CDH13: variants seen among roughly 807,000 people sequenced by gnomAD.
The protein encoded by CDH13 is cadherin-13.
Under a neutral mutation model 63.8 loss-of-function variants are expected in CDH13, and 24 were observed. That is an observed-to-expected ratio of 0.38 (90% CI 0.27 to 0.53). The LOEUF is 0.53. CDH13 is among the 20% of genes least tolerant of loss of function. The pLI is 0.85. For synonymous variants in CDH13, 503 were observed against 355.3 expected (o/e 1.42, Z -4.67); for missense variants, 1,049 against 903.1 (o/e 1.16, Z -2.07).
rs544241923 is a variant in CDH13 at position 82,932,482 on chromosome 16, C to T, written c.157+74009C>T. 2.6e-5 allele frequency among the ~76,000 whole-genome samples: 4 copies of T among 152,228 alleles called. No homozygotes were observed. In the South Asian group the frequency reaches 6.2e-4, roughly 24 times the overall value. ...TCTTAACATTTTCCACAAACTTTTC[C>T]ATTAAAATAGAGGATAGGTCATTGC... On this transcript the variant is annotated intron_variant, in intron 2 of 13. Transcript: ENST00000567109.
intron 1 of CDH13, among the ~76,000 whole-genome samples, chr16:82,729,519 A>G (rs1279248452): frequency 2.0e-5 from 3 of 152,134 alleles, no homozygotes; most frequent in African/African-American, 7.2e-5. Context: ...AGTAGGTCTC[A>G]ACAATGGGAT....
At chr16:83,333,323 A>C (rs116044738) in intron 5 of CDH13, among the ~76,000 whole-genome samples, 2,536 of 152,292 alleles carry the variant, frequency 0.017, 67 homozygotes, top group African/African-American at 0.054. Context: ...TAGGAATTGA[A>C]TCTAGTATAC....
At chr16:83,059,515 G>T (rs2151519439) in intron 3 of CDH13, among the ~76,000 whole-genome samples, 1 of 152,266 alleles carries the variant, frequency 6.6e-6, no homozygotes, top group Non-Finnish European at 1.5e-5. Context: ...GCGCTCGGGT[G>T]TCTGCCATGG....
At chr16:82,638,435 G>A (rs1165475473) in intron 1 of CDH13, among the ~76,000 whole-genome samples, 3 of 152,130 alleles carry the variant, frequency 2.0e-5, no homozygotes, top group Non-Finnish European at 4.4e-5. Context: ...AACTGAAAAG[G>A]AATATCTATG....
intron 1 of CDH13, among the ~76,000 whole-genome samples, chr16:82,728,319 A>G (rs2033210274): frequency 1.3e-5 from 2 of 152,062 alleles, no homozygotes; most frequent in Non-Finnish European, 2.9e-5. Flanking sequence ...GTTTACCCTT[A>G]TGGGCTTGTT....
chr16:82,813,592 T>A lies in CDH13; in HGVS notation c.46-44770T>A, dbSNP rs187438559. Among the ~76,000 whole-genome samples the A allele has an allele frequency of 4.3e-3, 655 of 152,278 alleles. 4 individuals carry two copies. Among genetic ancestry groups the A allele is most frequent in the Non-Finnish European group, 7.1e-3 (484 of 68,002 alleles). On this transcript the variant is annotated intron_variant, in intron 1 of 13. Coordinates refer to ENST00000567109, the MANE Select transcript of CDH13 (RefSeq NM_001257.5). ...AAAAAGGTAGTGTCTTCCCGGAGGC[T>A]GCTTGTGGCCACTCGCTGTGTGTCT...
At position 83,116,785 on chromosome 16, in the gene CDH13, A is replaced by T. The variant is rs146582152; in HGVS notation, c.367-8600A>T. Among the ~76,000 whole-genome samples, 76 of 152,308 alleles carry T rather than the reference A, an allele frequency of 5.0e-4. 1 individual carries two copies. In the East Asian group the frequency reaches 0.013, roughly 26 times the overall value. On this transcript the variant is annotated intron_variant, in intron 3 of 13. Coordinates refer to ENST00000567109, the MANE Select transcript of CDH13 (RefSeq NM_001257.5). The stretch of plus-strand genomic sequence containing the variant: ...TTTCATGGTACGTAAATTATACCTC[A>T]ATAATACTTTTAAAATACTGCAGGC...
At chr16:83,550,848 T>C (rs1279021902) in intron 7 of CDH13, among the ~76,000 whole-genome samples, 4 of 152,118 alleles carry the variant, frequency 2.6e-5, no homozygotes. Flanking sequence ...TCACTGACAG[T>C]AAGCCTAACC....
intron 6 of CDH13, among the ~76,000 whole-genome samples, chr16:83,370,180 G>A (rs550620784): frequency 6.6e-6 from 1 of 152,188 alleles, no homozygotes; most frequent in Non-Finnish European, 1.5e-5. Flanking sequence ...GAAGTCAGGA[G>A]ATTGAGACCA....
At chr16:82,759,253 C>G in intron 1 of CDH13, among the ~76,000 whole-genome samples, 1 of 152,176 alleles carries the variant, frequency 6.6e-6, no homozygotes, top group African/African-American at 2.4e-5. Context: ...TATCTCCCTT[C>G]TCTGCCTCAT....
intron 2 of CDH13, among the ~76,000 whole-genome samples, chr16:82,960,625 C>G (rs1906825213): frequency 6.6e-6 from 1 of 152,092 alleles, no homozygotes; most frequent in Non-Finnish European, 1.5e-5. Flanking sequence ...AAAATAGCAC[C>G]TTCAGTTTCC....
At chr16:83,648,382 G>C (rs1243871017) in intron 8 of CDH13, among the ~76,000 whole-genome samples, 1 of 152,154 alleles carries the variant, frequency 6.6e-6, no homozygotes, top group Non-Finnish European at 1.5e-5. Flanking sequence ...AGTGATTTTA[G>C]AAACTGTAGC....
chr16:83,786,455 G>T (rs928559987), intron 13 of CDH13, among the ~76,000 whole-genome samples: 1 of 152,150 alleles, frequency 6.6e-6, no homozygotes, highest in African/African-American at 2.4e-5. Flanking sequence ...TAGGGCGTTG[G>T]GGAATGGTAA....
intron 8 of CDH13, among the ~76,000 whole-genome samples, chr16:83,637,428 G>C (rs1911366023): frequency 1.4e-5 from 1 of 69,490 alleles, no homozygotes; most frequent in Non-Finnish European, 2.8e-5. Flanking sequence ...TGCGCACCGT[G>C]CGCGAGCCGA....
At chr16:83,227,317 G>C (rs879322373) in intron 5 of CDH13, among the ~76,000 whole-genome samples, 3 of 152,162 alleles carry the variant, frequency 2.0e-5, no homozygotes, top group African/African-American at 7.2e-5. Flanking sequence ...CTCCCGCAGT[G>C]GTCCTGATAA....
rs943516932 is a variant in CDH13, at chr16:83,509,318, G to A, written c.960+22663G>A. Among the ~76,000 whole-genome samples, 2 of 152,202 alleles carry A rather than the reference G, an allele frequency of 1.3e-5. 1 individual carries two copies. Among genetic ancestry groups the A allele is most frequent in the South Asian group, 4.1e-4 (2 of 4,826 alleles). On this transcript the variant is annotated intron_variant, in intron 7 of 13. Coordinates refer to ENST00000567109, the MANE Select transcript of CDH13 (RefSeq NM_001257.5). ...TCAAGGGGATCAGGAAGATGCCCAGGTATGGGATAACTTGAGCAAAAGATT... is the reference window on the plus strand; with the variant it reads ...TCAAGGGGATCAGGAAGATGCCCAGATATGGGATAACTTGAGCAAAAGATT...
At chr16:83,556,958 C>T (rs1283169033) in intron 7 of CDH13, among the ~76,000 whole-genome samples, 3 of 152,186 alleles carry the variant, frequency 2.0e-5, no homozygotes, top group Non-Finnish European at 4.4e-5. Flanking sequence ...CGATTTTCTA[C>T]ATAAGGGGTC....
intron 10 of CDH13, among the ~76,000 whole-genome samples, chr16:83,737,001 G>A (rs995376316): frequency 2.2e-4 from 33 of 152,146 alleles, no homozygotes; most frequent in Admixed American, 4.6e-4. Flanking sequence ...GGGAAGGCTC[G>A]GTGCACGTGG....
intron 1 of CDH13, among the ~76,000 whole-genome samples, chr16:82,689,642 C>A (rs180924148): frequency 5.9e-5 from 9 of 152,120 alleles, no homozygotes; most frequent in Admixed American, 5.9e-4. Context: ...TAATGTTTAA[C>A]ATAAATCAGG....
Sources: gnomAD v4.1 joint callset for allele counts (sites outside exome capture counted in the v4.1 genomes callset) on GRCh38, gnomAD v4.1.1 for gene constraint, MANE v1.5 for transcripts, NCBI Gene and HGNC (gene_info 2026-07-23, HGNC 2026-07-21) for gene names.